The following PPFIBP1 variants were observed in gnomAD, a reference collection of about 807,000 sequenced individuals.
PPFIBP1 encodes liprin-beta-1.
PPFIBP1 carries 112 observed loss-of-function variants against 137.8 expected under a neutral mutation model. The observed-to-expected ratio is 0.81, with a 90% CI of 0.70 to 0.95. PPFIBP1 has a LOEUF of 0.95. Ranked by LOEUF, PPFIBP1 falls within the 40% of genes least tolerant of loss-of-function variation. The pLI, the probability that PPFIBP1 is intolerant of heterozygous loss-of-function variation, is 0.00. For missense variants in PPFIBP1, 1,083 were observed against 1,196.6 expected (o/e 0.91, Z 1.40); for synonymous variants, 378 against 417.3 (o/e 0.91, Z 1.15).
intron 1 of PPFIBP1, among the ~76,000 whole-genome samples, chr12:27,525,993 CAG>C (rs2135683628): frequency 6.6e-6 from 1 of 152,336 alleles, no homozygotes; most frequent in Admixed American, 6.5e-5. Context: ...GCTTAAGACA[CAG>C]AAATTGCAAA....
Position 27,647,842 on chromosome 12 carries a change from G to A in PPFIBP1, c.471G>A (p.Gln157=). Residue 157 remains glutamine, a splice_region_variant and synonymous_variant, in exon 6 of 30, where the codon CAG becomes CAA. Transcript: ENST00000228425. The part of the protein sequence containing the change: ...KVNATEEMLQ[Q]ELLSRTSLET... ...ATGCCACAGAAGAAATGCTGCAGCA[G>A]GTATGTGCAGAGGCCAGAACCAAGA... 1 of 1,611,162 alleles carries A rather than the reference G, an allele frequency of 6.2e-7. No homozygotes were observed. The highest frequency in any genetic ancestry group is 8.5e-7 in the Non-Finnish European group (1 of 1,178,830).
chr12:27,646,927 G>GC (rs747973308), intron 5 of PPFIBP1, among the ~76,000 whole-genome samples: 23 of 152,224 alleles, frequency 1.5e-4, no homozygotes, highest in South Asian at 6.2e-4. Flanking sequence ...ATATTGAGTT[G>GC]CCCCCCCTGA....
At chr12:27,639,174 A>G (rs2057920330) in intron 4 of PPFIBP1, among the ~76,000 whole-genome samples, 1 of 152,248 alleles carries the variant, frequency 6.6e-6, no homozygotes, top group African/African-American at 2.4e-5. Flanking sequence ...GCTTCTGGAA[A>G]TGAACAAATT....
chr12:27,681,598 C>T lies in PPFIBP1; in HGVS notation c.1948C>T (p.Leu650=), dbSNP rs1191382768. 6.2e-7 allele frequency: 1 copy of T among 1,614,138 alleles called. No homozygotes were observed. The highest frequency in any genetic ancestry group is 8.5e-7 in the Non-Finnish European group (1 of 1,179,994). Residue 650 remains leucine (L), a synonymous_variant, in exon 22 of 30, where the codon CTG becomes TTG. Coordinates refer to ENST00000228425, the MANE Select transcript of PPFIBP1 (RefSeq NM_003622.4). The part of the protein sequence containing the change: ...KWTKEQVCNW[L]MEQGLGSYLN... ...GACCAAGGAGCAGGTTTGCAATTGG[C>T]TGATGGAACAGGGCTTGGGCTCGTA...
At chr12:27,580,231 T>C (rs1322767788) in intron 2 of PPFIBP1, among the ~76,000 whole-genome samples, 2 of 152,200 alleles carry the variant, frequency 1.3e-5, no homozygotes, top group African/African-American at 4.8e-5. Context: ...TAACTTGTTT[T>C]AAGGAAGCTT....
At chr12:27,533,235 T>A (rs1477287166) in intron 1 of PPFIBP1, among the ~76,000 whole-genome samples, 1 of 152,156 alleles carries the variant, frequency 6.6e-6, no homozygotes, top group Non-Finnish European at 1.5e-5. Context: ...AATTCCATCA[T>A]GACCCACATT....
chr12:27,672,373 A>G (rs939171536), intron 14 of PPFIBP1, 54 bp from the exon 15 acceptor site: 3 of 1,404,094 alleles, frequency 2.1e-6, no homozygotes, highest in African/African-American at 2.8e-5. Flanking sequence ...CTTAGAACAT[A>G]TATGGTCTTT....
intron 2 of PPFIBP1, among the ~76,000 whole-genome samples, chr12:27,608,191 T>C (rs908338336): frequency 1.6e-4 from 25 of 152,106 alleles, no homozygotes; most frequent in South Asian, 2.1e-4. Context: ...ACATATACAC[T>C]CAAATTTCAG....
At chr12:27,529,082 A>G (rs1358403745) in intron 1 of PPFIBP1, among the ~76,000 whole-genome samples, 2 of 152,236 alleles carry the variant, frequency 1.3e-5, no homozygotes, top group African/African-American at 4.8e-5. Context: ...AAGGAATTGT[A>G]TAAACTCAAA....
At chr12:27,656,826 T>A in intron 9 of PPFIBP1, 96 bp downstream of exon 9, 1 of 836,612 alleles carries the variant, frequency 1.2e-6, no homozygotes, top group Non-Finnish European at 2.0e-6. Flanking sequence ...AGTTTTAGCA[T>A]CAAAGAAAGA....
rs2061617736 is a variant in PPFIBP1 at position 27,692,622 on chromosome 12, T to C, written c.2897T>C (p.Ile966Thr). The change falls in exon 29 of 30, where the codon ATA becomes ACA. Residue 966 changes from isoleucine to threonine, a missense_variant. Coordinates refer to ENST00000228425, the MANE Select transcript of PPFIBP1 (RefSeq NM_003622.4). ...MEDSEGTVRQIGAFSEGINNL... is the reference protein window; with the variant it reads ...MEDSEGTVRQTGAFSEGINNL... ...GATTCAGAAGGGACAGTGAGACAGA[T>C]AGGTGCATTCTCTGAAGGCATCAAC... 6.2e-7 allele frequency: 1 copy of C among 1,614,076 alleles called. No homozygotes were observed. The highest frequency in any genetic ancestry group is 8.5e-7 in the Non-Finnish European group (1 of 1,179,992).
chr12:27,688,160 A>T, intron 25 of PPFIBP1, 138 bp from the exon 26 acceptor site: 1 of 1,000,306 alleles, frequency 1.0e-6, no homozygotes, highest in Non-Finnish European at 1.5e-6. Flanking sequence ...TCAAACTATG[A>T]CAGAAATTCT....
intron 13 of PPFIBP1, among the ~76,000 whole-genome samples, chr12:27,670,443 G>C (rs2060107386): frequency 6.6e-6 from 1 of 152,136 alleles, no homozygotes; most frequent in Non-Finnish European, 1.5e-5. Flanking sequence ...TAACTGGCTT[G>C]ACCAATGTTC....
rs916832757 is a variant in PPFIBP1 at position 27,540,769 on chromosome 12, T to A, written c.-124+16404T>A. On this transcript the variant is annotated intron_variant, in intron 1 of 29. Coordinates refer to ENST00000228425, the MANE Select transcript of PPFIBP1 (RefSeq NM_003622.4). ...TAGGAGAAAATAAATTTTGTTTTTC[T>A]TTTTAATGTATTTGATATTATTGAG... is the stretch of plus-strand genomic sequence containing the variant. Among the ~76,000 whole-genome samples, 5 of 152,236 alleles carry A rather than the reference T, an allele frequency of 3.3e-5. No homozygotes were observed. In the South Asian group the frequency reaches 1.0e-3, roughly 32 times the overall value.
At chr12:27,627,068 G>T (rs959737341) in intron 2 of PPFIBP1, among the ~76,000 whole-genome samples, 1 of 152,112 alleles carries the variant, frequency 6.6e-6, no homozygotes, top group African/African-American at 2.4e-5. Context: ...GGTAAATGGG[G>T]TATCTATCAC....
intron 1 of PPFIBP1, among the ~76,000 whole-genome samples, chr12:27,561,916 G>C (rs1435911076): frequency 6.6e-6 from 1 of 152,074 alleles, no homozygotes; most frequent in African/African-American, 2.4e-5. Flanking sequence ...CTGGGCATGT[G>C]GTGTGTGCCT....
chr12:27,570,754 C>CAAAA (rs557270550), intron 1 of PPFIBP1, among the ~76,000 whole-genome samples: 7 of 150,352 alleles, frequency 4.7e-5, no homozygotes, highest in African/African-American at 1.7e-4. Flanking sequence ...ACGAAAAATA[C>CAAAA]AAAAAAAAAT....
intron 2 of PPFIBP1, among the ~76,000 whole-genome samples, chr12:27,595,790 G>A (rs866809116): frequency 1.3e-4 from 19 of 151,464 alleles, no homozygotes; most frequent in African/African-American, 4.4e-4. Flanking sequence ...GGAGGCAGAG[G>A]TTGCGGTGAG....
intron 2 of PPFIBP1, among the ~76,000 whole-genome samples, chr12:27,598,538 CTGTGTGTGTGTGTGTGTG>C (rs71039825): frequency 4.4e-4 from 67 of 150,648 alleles, no homozygotes; most frequent in Non-Finnish European, 6.7e-4. Context: ...TCTCTATAAT[CTGTGTGTGTGTGTGTGTG>C]TGTGTGTGTG....
Sources: gnomAD v4.1 joint callset for allele counts (sites outside exome capture counted in the v4.1 genomes callset) on GRCh38, gnomAD v4.1.1 for gene constraint, MANE v1.5 for transcripts, NCBI Gene and HGNC (gene_info 2026-07-23, HGNC 2026-07-21) for gene names.